CFAP20DC: variants seen among roughly 807,000 people sequenced by gnomAD.
CFAP20DC encodes CFAP20 domain containing.
Under a neutral mutation model 101.7 loss-of-function variants are expected in CFAP20DC, and 84 were observed. The observed-to-expected ratio is 0.83, with a 90% CI of 0.69 to 0.99. The LOEUF (loss-of-function observed/expected upper bound fraction) is 0.99, where lower values mean the gene tolerates loss of function less well. Ranked by LOEUF, CFAP20DC falls within the 50% of genes least tolerant of loss-of-function variation. The pLI is 0.00. For synonymous variants in CFAP20DC, 359 were observed against 351.2 expected (o/e 1.02, Z -0.25); for missense variants, 1,007 against 970.3 (o/e 1.04, Z -0.50).
chr3:58,761,730 T>C (rs904267913), intron 15 of CFAP20DC, among the ~76,000 whole-genome samples: 2 of 152,262 alleles, frequency 1.3e-5, no homozygotes, highest in Non-Finnish European at 2.9e-5. Context: ...GATTCTGGTA[T>C]GTTGTGTCTT....
chr3:58,970,600 T>C (rs1184423442), intron 4 of CFAP20DC: 1 of 152,176 alleles, frequency 6.6e-6, no homozygotes, highest in Admixed American at 6.6e-5. Flanking sequence ...CTATCCAGTT[T>C]GTGGTGACTT....
intron 15 of CFAP20DC, among the ~76,000 whole-genome samples, chr3:58,760,985 T>C (rs896439521): frequency 3.9e-5 from 6 of 152,300 alleles, no homozygotes; most frequent in Middle Eastern, 3.4e-3. Context: ...GGGATATTGG[T>C]CTAAGATGCT....
At chr3:58,821,965 AT>A (rs2075684089) in intron 14 of CFAP20DC, among the ~76,000 whole-genome samples, 1 of 141,698 alleles carries the variant, frequency 7.1e-6, no homozygotes, top group Admixed American at 7.0e-5. Flanking sequence ...CTATGCAGCC[AT>A]AAAAAATGAA....
Position 58,912,812 on chromosome 3 carries a change from G to A in CFAP20DC, c.550+896C>T, listed in dbSNP as rs1455428790. 1 of 438,226 alleles carries A rather than the reference G, an allele frequency of 2.3e-6. No individual in the cohort carries two copies. The highest frequency in any genetic ancestry group is 7.0e-5 in the East Asian group (1 of 14,324). The allele number at this position is 438,226 out of a possible 1,614,324, so 27.1% of individuals were successfully genotyped here. A position where few individuals can be genotyped will look rare whatever the true frequency, so the allele number is the denominator to read the frequency against. Reference sequence around the variant, plus strand: ...ATATTTCTAGTCTCTCTAGAAATATGAGGAAGAACTCAACTCTTTCCATTT... The same window carrying A: ...ATATTTCTAGTCTCTCTAGAAATATAAGGAAGAACTCAACTCTTTCCATTT... On this transcript the variant is annotated intron_variant, in intron 6 of 16. Coordinates refer to ENST00000482387, the MANE Select transcript of CFAP20DC (RefSeq NM_001394063.1). This position sits in a 1 kb window ranked among gnomAD's most constrained non-coding sequence, Gnocchi z 4.4.
chr3:58,981,629 G>A (rs1255315907), intron 4 of CFAP20DC, among the ~76,000 whole-genome samples: 5 of 152,144 alleles, frequency 3.3e-5, no homozygotes, highest in Admixed American at 6.5e-5. Context: ...TTTAATAAAC[G>A]GTGCTGGGAA....
intron 5 of CFAP20DC, among the ~76,000 whole-genome samples, chr3:58,930,953 G>A (rs574501062): frequency 9.2e-5 from 14 of 152,262 alleles, no homozygotes; most frequent in Admixed American, 2.0e-4. Flanking sequence ...TGAGCGAGCC[G>A]AAGCAGGGCG....
At chr3:58,956,150 A>G (rs1209598816) in intron 4 of CFAP20DC, among the ~76,000 whole-genome samples, 1 of 151,452 alleles carries the variant, frequency 6.6e-6, no homozygotes, top group Non-Finnish European at 1.5e-5. Flanking sequence ...AGAAAAATGA[A>G]AGGAAAAGTA....
intron 15 of CFAP20DC, among the ~76,000 whole-genome samples, chr3:58,759,312 G>A (rs1350955872): frequency 1.3e-5 from 2 of 152,174 alleles, no homozygotes; most frequent in Non-Finnish European, 2.9e-5. Flanking sequence ...TTTTTCATAT[G>A]TCTTTTGGCT....
chr3:58,719,859 T>G (rs1449831917), intron 3 of CFAP20DC, among the ~76,000 whole-genome samples: 2 of 152,236 alleles, frequency 1.3e-5, no homozygotes, highest in African/African-American at 2.4e-5. Flanking sequence ...ACAGACCACT[T>G]GGCACTCTGC....
intron 3 of CFAP20DC, among the ~76,000 whole-genome samples, chr3:58,736,803 T>A (rs2067767176): frequency 6.6e-6 from 1 of 152,220 alleles, no homozygotes; most frequent in Admixed American, 6.5e-5. Flanking sequence ...CACATCACTT[T>A]CGTAATGCCT....
chr3:58,879,925 ACTTT>A lies in CFAP20DC; in HGVS notation c.715+4616_715+4619del, dbSNP rs1469813629. Reference sequence around the variant, plus strand: ...TTGTTTAATATTTAACTATACATAGACTTTCTTTGTTAATAATTCTCGATTTCCT... The same window carrying A: ...TTGTTTAATATTTAACTATACATAGACTTTGTTAATAATTCTCGATTTCCT... On this transcript the variant is annotated intron_variant, in intron 7 of 16. Transcript: ENST00000482387. Among the ~76,000 whole-genome samples, 5 of 152,218 alleles carry A rather than the reference ACTTT, an allele frequency of 3.3e-5. No individual in the cohort carries two copies. In the East Asian group the frequency reaches 9.6e-4, roughly 29 times the overall value.
At chr3:58,941,979 C>T (rs1473707797) in intron 4 of CFAP20DC, among the ~76,000 whole-genome samples, 1 of 152,148 alleles carries the variant, frequency 6.6e-6, no homozygotes, top group African/African-American at 2.4e-5. Context: ...TCATTATGAC[C>T]TTATTAAGTA....
intron 13 of CFAP20DC, among the ~76,000 whole-genome samples, chr3:58,843,104 G>A (rs1217241618): frequency 2.0e-5 from 3 of 152,174 alleles, no homozygotes; most frequent in Non-Finnish European, 2.9e-5. Context: ...AACGCAGAGC[G>A]CCTCTCTTCC....
At chr3:58,814,122 G>C (rs887801101) in intron 14 of CFAP20DC, among the ~76,000 whole-genome samples, 1 of 151,752 alleles carries the variant, frequency 6.6e-6, no homozygotes, top group Admixed American at 6.6e-5. Flanking sequence ...TTTATTTTTA[G>C]AGGCATTTCC....
intron 3 of CFAP20DC, among the ~76,000 whole-genome samples, chr3:58,719,157 T>C (rs61674223): frequency 4.3e-4 from 66 of 152,276 alleles, no homozygotes; most frequent in African/African-American, 1.5e-3. Context: ...GTAGGAGGAT[T>C]GCTTAAGCTG....
intron 6 of CFAP20DC, among the ~76,000 whole-genome samples, chr3:58,902,861 T>A (rs564408297): frequency 6.6e-6 from 1 of 152,166 alleles, no homozygotes; most frequent in Non-Finnish European, 1.5e-5. Context: ...TTATACACAC[T>A]GTTTATTTGT....
chr3:58,937,207 T>A lies in CFAP20DC; in HGVS notation c.393+441A>T, dbSNP rs541350769. 6.6e-5 allele frequency among the ~76,000 whole-genome samples: 10 copies of A among 152,324 alleles called. 1 individual carries two copies. In the South Asian group the frequency reaches 2.1e-3, roughly 32 times the overall value. On this transcript the variant is annotated intron_variant, in intron 5 of 16. Transcript: ENST00000482387. ...TCAATCTGGCAACAAGATTAATTGT[T>A]CACTGTTCTCCGGAGGTTACCTCTT...
rs764719510 is a variant in CFAP20DC, at chr3:58,866,565, C to T, written c.1258+1G>A. 1.9e-6 allele frequency: 3 copies of T among 1,602,988 alleles called. No individual in the cohort carries two copies. The highest frequency in any genetic ancestry group is 2.3e-5 in the South Asian group (2 of 88,554). On this transcript the variant is annotated splice_donor_variant, in intron 11 of 16. Coordinates refer to ENST00000482387, the MANE Select transcript of CFAP20DC (RefSeq NM_001394063.1). LOFTEE classifies it high-confidence loss of function. ...AGATATGGTGTAATAAAGATGCCAA[C>T]CTGATTGATCAGGAGACTGGGGTCC...
chr3:58,851,034 G>A lies in CFAP20DC; in HGVS notation c.1594-1625C>T, dbSNP rs115986109. 7.0e-3 allele frequency among the ~76,000 whole-genome samples: 1,068 copies of A among 152,274 alleles called. 11 individuals are homozygous for A. The highest frequency in any genetic ancestry group is 0.025 in the African/African-American group (1,021 of 41,564). On this transcript the variant is annotated intron_variant, in intron 12 of 16. Transcript: ENST00000482387. ...AGATCTACAAAAGCTTTTAATTAGAGGGGATCTATCTTATCATTTTTCTGT... is the reference window on the plus strand; with the variant it reads ...AGATCTACAAAAGCTTTTAATTAGAAGGGATCTATCTTATCATTTTTCTGT...
Sources: gnomAD v4.1 joint callset for allele counts (sites outside exome capture counted in the v4.1 genomes callset) on GRCh38, gnomAD v4.1.1 for gene constraint, Gnocchi (gnomAD v3.1) non-coding constraint, MANE v1.5 for transcripts, NCBI Gene and HGNC (gene_info 2026-07-23, HGNC 2026-07-21) for gene names.